Variants in MAP2K1 observed in about 807,000 individuals in gnomAD.
The protein encoded by MAP2K1 is dual specificity mitogen-activated protein kinase kinase 1.
A neutral mutation model predicts 46.3 loss-of-function variants in MAP2K1; 16 were observed. That is an observed-to-expected ratio of 0.35 (90% CI 0.23 to 0.52). The LOEUF (loss-of-function observed/expected upper bound fraction) is 0.52. Among genes scored for constraint, MAP2K1 ranks in the 20% least tolerant of loss-of-function variants. MAP2K1 has a pLI of 0.94. For synonymous variants in MAP2K1, 183 were observed against 185.6 expected (o/e 0.99, Z 0.11); for missense variants, 263 against 497.1 (o/e 0.53, Z 4.48).
chr15:66,403,638 G>C (rs2093388055), intron 1 of MAP2K1, among the ~76,000 whole-genome samples: 1 of 152,118 alleles, frequency 6.6e-6, no homozygotes, highest in Non-Finnish European at 1.5e-5. Flanking sequence ...AATCCACGTG[G>C]GTTCCAGATT....
chr15:66,420,934 CACAT>C lies in MAP2K1; in HGVS notation c.81-14087_81-14084del, dbSNP rs992263801. 1.5e-4 allele frequency among the ~76,000 whole-genome samples: 18 copies of C among 120,832 alleles called. No homozygotes were observed. The South Asian group carries it at 2.2e-3, about 15-fold the overall frequency. 79.3% of individuals were successfully genotyped at this position (120,832 alleles called of 152,430 possible). On this transcript the variant is annotated intron_variant, in intron 1 of 10. Coordinates refer to ENST00000307102, the MANE Select transcript of MAP2K1 (RefSeq NM_002755.4). ...ACACACATACATACATATATATACA[CACAT>C]ACATATATACATACACATACATATA...
rs2140579252 is a variant in MAP2K1, at chr15:66,435,138, G to A, written c.192G>A (p.Lys64=). 1 of 1,614,100 alleles carries A rather than the reference G, an allele frequency of 6.2e-7. No homozygotes were observed. The highest frequency in any genetic ancestry group is 8.5e-7 in the Non-Finnish European group (1 of 1,180,022). Residue 64 remains lysine, a synonymous_variant, in exon 2 of 11, where the codon AAG becomes AAA. Transcript: ENST00000307102. ...LTQKQKVGEL[K]DDDFEKISEL... ...AGAAGCAGAAGGTGGGAGAACTGAA[G>A]GATGACGACTTTGAGAAGATCAGTG... is the stretch of plus-strand genomic sequence containing the variant.
At chr15:66,453,405 G>A (rs557027201) in intron 5 of MAP2K1, 19 of 691,490 alleles carry the variant, frequency 2.7e-5, no homozygotes, top group Non-Finnish European at 4.5e-5. Flanking sequence ...AAGGACTTCT[G>A]TGTGGGCTGG....
At chr15:66,406,541 C>A (rs2093397206) in intron 1 of MAP2K1, among the ~76,000 whole-genome samples, 1 of 152,160 alleles carries the variant, frequency 6.6e-6, no homozygotes, top group Non-Finnish European at 1.5e-5. Context: ...CTAACAGACT[C>A]ATGGTTTAGA....
chr15:66,389,649 A>G (rs936296337), intron 1 of MAP2K1, among the ~76,000 whole-genome samples: 1 of 134,036 alleles, frequency 7.5e-6, no homozygotes, highest in Non-Finnish European at 1.5e-5. Flanking sequence ...ATCTCGGCTC[A>G]CCACAACCTC....
At chr15:66,457,178 G>A (rs1298620071) in intron 5 of MAP2K1, among the ~76,000 whole-genome samples, 2 of 152,190 alleles carry the variant, frequency 1.3e-5, no homozygotes, top group East Asian at 3.8e-4. Context: ...GAGTGCAGTG[G>A]CGTAATCTCG....
In MAP2K1 at chr15:66,481,787, C is replaced by A. The variant is rs759605592; in HGVS notation, c.601C>A (p.Arg201Ser). The A allele has an allele frequency of 6.2e-7, 1 of 1,613,444 alleles. No individual in the cohort carries two copies. Among genetic ancestry groups the A allele is most frequent in the Non-Finnish European group, 8.5e-7 (1 of 1,179,940 alleles). Residue 201 changes from arginine (R) to serine (S), a missense_variant, in exon 6 of 11, where the codon CGT becomes AGT. By Grantham distance (110) the Arg-to-Ser change is moderately radical. Coordinates refer to ENST00000307102, the MANE Select transcript of MAP2K1 (RefSeq NM_002755.4). ...GCCCTCCAACATCCTAGTCAACTCC[C>A]GTGGGGAGATCAAGCTCTGTGACTT... is the stretch of plus-strand genomic sequence containing the variant. ...VKPSNILVNS[R>S]GEIKLCDFGV...
intron 1 of MAP2K1, among the ~76,000 whole-genome samples, chr15:66,399,022 C>T (rs939086369): frequency 3.3e-5 from 5 of 152,264 alleles, no homozygotes; most frequent in Admixed American, 6.5e-5. Flanking sequence ...ATCCGCCTGC[C>T]GCGGCCTCCC....
At chr15:66,394,158 G>A (rs916455268) in intron 1 of MAP2K1, among the ~76,000 whole-genome samples, 10 of 152,180 alleles carry the variant, frequency 6.6e-5, no homozygotes, top group Admixed American at 1.3e-4. Flanking sequence ...CTTTGAAGAT[G>A]TATAAAATTT....
At chr15:66,438,392 T>C (rs1470953231) in intron 3 of MAP2K1, among the ~76,000 whole-genome samples, 2 of 152,164 alleles carry the variant, frequency 1.3e-5, no homozygotes, top group Non-Finnish European at 2.9e-5. Flanking sequence ...CAACCAATCT[T>C]TTTATTTTTC....
chr15:66,484,397 C>T (rs2140672448), intron 6 of MAP2K1, among the ~76,000 whole-genome samples: 1 of 152,286 alleles, frequency 6.6e-6, no homozygotes, highest in East Asian at 1.9e-4. Flanking sequence ...ATCCGCCTGC[C>T]TCAGCCTCCC....
chr15:66,443,436 AGATGGGAAGTCAAT>A, intron 4 of MAP2K1, 79 bp downstream of exon 4: 2 of 907,280 alleles, frequency 2.2e-6, no homozygotes, highest in Non-Finnish European at 3.7e-6. Flanking sequence ...CAAGAGAGGA[AGATGGGAAGTCAAT>A]GAGGGGAAAG....
chr15:66,476,330 GAGA>G (rs746904858), intron 5 of MAP2K1, among the ~76,000 whole-genome samples: 14 of 152,246 alleles, frequency 9.2e-5, no homozygotes, highest in Non-Finnish European at 1.5e-4. Context: ...TCAGGAAGTA[GAGA>G]AGGACTGGGC....
chr15:66,446,892 G>A (rs1050417753), intron 5 of MAP2K1: 2 of 163,104 alleles, frequency 1.2e-5, no homozygotes, highest in Non-Finnish European at 2.7e-5. Context: ...ATATACATTC[G>A]TTGAAAGTCA....
At chr15:66,468,523 C>T (rs564654026) in intron 5 of MAP2K1, among the ~76,000 whole-genome samples, 2 of 152,144 alleles carry the variant, frequency 1.3e-5, no homozygotes, top group Admixed American at 6.5e-5. Context: ...TATAAGGAGA[C>T]CAATTTATTT....
chr15:66,448,159 A>C (rs1453984809), intron 5 of MAP2K1, among the ~76,000 whole-genome samples: 1 of 145,690 alleles, frequency 6.9e-6, no homozygotes, highest in Non-Finnish European at 1.5e-5. Flanking sequence ...TCTCAAAAAA[A>C]AAAAAAAAAA....
In MAP2K1 at chr15:66,454,132, G is replaced by A. The variant is rs181763079; in HGVS notation, c.568+9425G>A. ...TGGTTTCTTCCAGTAGCAAGAGGGG[G>A]TAAACCCTACTACTTAAGTACCCTT... On this transcript the variant is annotated intron_variant, in intron 5 of 10. Transcript: ENST00000307102. 3.6e-3 allele frequency among the ~76,000 whole-genome samples: 552 copies of A among 152,328 alleles called. 2 individuals carry two copies. The highest frequency in any genetic ancestry group is 0.013 in the African/African-American group (528 of 41,574).
intron 6 of MAP2K1, 135 bp from the exon 7 acceptor site, chr15:66,484,855 G>GGTC: frequency 1.2e-6 from 1 of 824,228 alleles, no homozygotes; most frequent in Admixed American, 1.7e-5. Flanking sequence ...GTAGGCAGGA[G>GGTC]GCCAAATTCA....
chr15:66,441,978 T>TA lies in MAP2K1; in HGVS notation c.439-1301dup, dbSNP rs532215866. ...CTGCCTTGATACATCAGGATCCCCT[T>TA]AGTGAGGCATTTCTTCAAGATCGCA... On this transcript the variant is annotated intron_variant, in intron 3 of 10. Transcript: ENST00000307102. 5.5e-4 allele frequency among the ~76,000 whole-genome samples: 84 copies of TA among 152,292 alleles called. 2 individuals carry two copies. In the South Asian group the frequency reaches 0.017, roughly 31 times the overall value.
Sources: gnomAD v4.1 joint callset for allele counts (sites outside exome capture counted in the v4.1 genomes callset) on GRCh38, gnomAD v4.1.1 for gene constraint, MANE v1.5 for transcripts, NCBI Gene and HGNC (gene_info 2026-07-23, HGNC 2026-07-21) for gene names.